The following PPHLN1 variants were observed in gnomAD, a reference collection of about 807,000 sequenced individuals.
The protein encoded by PPHLN1 is periphilin-1.
Under a neutral mutation model 51.3 loss-of-function variants are expected in PPHLN1, and 29 were observed. The ratio of observed to expected loss-of-function variants is 0.57; its 90% CI spans 0.42 to 0.77. The LOEUF (loss-of-function observed/expected upper bound fraction) is 0.77. PPHLN1 is among the 30% of genes least tolerant of loss of function. The pLI is 0.00. For synonymous variants in PPHLN1, 147 were observed against 147.8 expected, an observed-to-expected ratio of 0.99 and a Z score of 0.04; for missense variants, 436 against 438.4, an observed-to-expected ratio of 0.99 and a Z score of 0.05.
downstream of PPHLN1, chr12:42,448,477 C>T (rs1184716773): frequency 7.4e-5 from 11 of 149,314 alleles, no homozygotes; most frequent in Admixed American, 7.4e-4. Flanking sequence ...TGTAAATTAT[C>T]CGTTGTTTTT....
intron 1 of PPHLN1, among the ~76,000 whole-genome samples, chr12:42,329,154 T>A (rs1565711918): frequency 6.7e-6 from 1 of 149,900 alleles, no homozygotes; most frequent in Non-Finnish European, 1.5e-5. Flanking sequence ...CAGGCTGGAG[T>A]GCAGTGGCGC....
intron 9 of PPHLN1, among the ~76,000 whole-genome samples, chr12:42,417,332 G>A (rs1445910014): frequency 6.6e-6 from 1 of 152,062 alleles, no homozygotes; most frequent in Non-Finnish European, 1.5e-5. Flanking sequence ...TAGGAGGAAA[G>A]GAAAATAAAG....
At chr12:42,412,004 A>ACCTCCAATGGT (rs2079897016) in intron 9 of PPHLN1, among the ~76,000 whole-genome samples, 1 of 151,390 alleles carries the variant, frequency 6.6e-6, no homozygotes, top group Non-Finnish European at 1.5e-5. Context: ...CAGGAGTTCG[A>ACCTCCAATGGT]GACTACCCTG....
intron 9 of PPHLN1, chr12:42,433,117 T>C (rs2082184622): frequency 2.6e-6 from 2 of 777,920 alleles, no homozygotes; most frequent in Non-Finnish European, 4.8e-6. Flanking sequence ...AATGTGACTA[T>C]TTCATTGTAA....
intron 2 of PPHLN1, 45 bp from the exon 3 acceptor site, chr12:42,351,840 T>C (rs746570108): frequency 3.4e-6 from 5 of 1,489,598 alleles, no homozygotes; most frequent in Non-Finnish European, 4.5e-6. Flanking sequence ...CAAAACCAAA[T>C]AGAGAAATTA....
intron 4 of PPHLN1, among the ~76,000 whole-genome samples, chr12:42,356,108 T>A (rs1437993004): frequency 1.3e-5 from 2 of 152,202 alleles, no homozygotes; most frequent in African/African-American, 4.8e-5. Flanking sequence ...AGTGGTGGTA[T>A]CGAAAGTTGT....
chr12:42,346,991 T>C (rs1027711677), intron 2 of PPHLN1: 2 of 152,204 alleles, frequency 1.3e-5, no homozygotes, highest in Non-Finnish European at 2.9e-5. Context: ...GCTCAAGGGA[T>C]CCTCTCACCT....
rs567572315 is a variant in PPHLN1 at position 42,421,938 on chromosome 12, G to A, written c.910-19377G>A. ...GAAGATGGCACCTGTGAATAAGAAA[G>A]TTTAGAATAAAAATAGGCTAGAAGC... On this transcript the variant is annotated intron_variant, in intron 9 of 9. Transcript: ENST00000358314. 4.5e-3 allele frequency among the ~76,000 whole-genome samples: 688 copies of A among 152,086 alleles called. 1 individual carries two copies. Among genetic ancestry groups the A allele is most frequent in the African/African-American group, 0.016 (666 of 41,508 alleles).
At chr12:42,332,087 C>T (rs781508196) in intron 1 of PPHLN1, among the ~76,000 whole-genome samples, 41 of 152,150 alleles carry the variant, frequency 2.7e-4, no homozygotes, top group Admixed American at 3.3e-4. Flanking sequence ...GCCTGTGGTT[C>T]CAGCTACTAG....
At chr12:42,359,814 A>C (rs926070733) in intron 4 of PPHLN1, among the ~76,000 whole-genome samples, 1 of 152,200 alleles carries the variant, frequency 6.6e-6, no homozygotes, top group Non-Finnish European at 1.5e-5. Context: ...ATATTAAAAG[A>C]TTTGAAAAAT....
intron 9 of PPHLN1, among the ~76,000 whole-genome samples, chr12:42,409,537 A>G (rs1369249382): frequency 6.6e-6 from 1 of 152,106 alleles, no homozygotes; most frequent in African/African-American, 2.4e-5. Context: ...TTCATTTATT[A>G]TTTTAATCAT....
At chr12:42,424,919 T>C (rs1027076096) in intron 9 of PPHLN1, among the ~76,000 whole-genome samples, 2 of 152,086 alleles carry the variant, frequency 1.3e-5, no homozygotes, top group Non-Finnish European at 2.9e-5. Flanking sequence ...TAATAACACG[T>C]GTAGTAACAT....
chr12:42,369,429 T>C lies in PPHLN1; in HGVS notation c.300-5434T>C, dbSNP rs571026134. On this transcript the variant is annotated intron_variant, in intron 4 of 9. Transcript: ENST00000358314. ...GACATACAACTATCAGGCACTTGTATTGGCATGCCTGGCTCTTTCTTGCTG... is the reference window on the plus strand; with the variant it reads ...GACATACAACTATCAGGCACTTGTACTGGCATGCCTGGCTCTTTCTTGCTG... Among the ~76,000 whole-genome samples, 106 of 152,302 alleles carry C rather than the reference T, an allele frequency of 7.0e-4. 2 individuals carry two copies. In the South Asian group the frequency reaches 0.021, roughly 30 times the overall value.
chr12:42,426,554 G>A (rs1015446914), intron 9 of PPHLN1, among the ~76,000 whole-genome samples: 2 of 152,054 alleles, frequency 1.3e-5, no homozygotes, highest in African/African-American at 4.8e-5. Context: ...GAGGATTCTG[G>A]TACATAAAAT....
At chr12:42,341,823 G>C (rs1428267655) in intron 2 of PPHLN1, among the ~76,000 whole-genome samples, 1 of 151,970 alleles carries the variant, frequency 6.6e-6, no homozygotes, top group Non-Finnish European at 1.5e-5. Flanking sequence ...GGGTTTCACC[G>C]TGTTAGCCAG....
In PPHLN1 at chr12:42,366,545, T is replaced by C. The variant is rs190020878; in HGVS notation, c.300-8318T>C. ...TGGCCTTTCTTGTTTTTTTTTGTTT[T>C]TGTTTTTGTTTTTGTTTTTTTGAGA... On this transcript the variant is annotated intron_variant, in intron 4 of 9. Coordinates refer to ENST00000358314, the MANE Select transcript of PPHLN1 (RefSeq NM_201439.2). Among the ~76,000 whole-genome samples the C allele has an allele frequency of 3.7e-3, 563 of 151,480 alleles. 2 individuals carry two copies. The highest frequency in any genetic ancestry group is 0.024 in the Middle Eastern group (7 of 294).
At chr12:42,361,245 A>G (rs1169183566) in intron 4 of PPHLN1, 1 of 152,434 alleles carries the variant, frequency 6.6e-6, no homozygotes, top group Admixed American at 6.5e-5. Flanking sequence ...TCGTCAGACC[A>G]AGAAGAAAGT....
At chr12:42,351,073 G>A (rs1056064674) in intron 2 of PPHLN1, among the ~76,000 whole-genome samples, 2 of 151,630 alleles carry the variant, frequency 1.3e-5, no homozygotes, top group African/African-American at 4.9e-5. Context: ...TTGATCTTAT[G>A]TTATATCAGG....
At chr12:42,339,319 C>T (rs1214485026) in intron 2 of PPHLN1, among the ~76,000 whole-genome samples, 1 of 152,162 alleles carries the variant, frequency 6.6e-6, no homozygotes, top group Middle Eastern at 3.2e-3. Flanking sequence ...CTAGTTTATA[C>T]AAATCCTTCT....
Sources: allele counts gnomAD v4.1 joint callset (sites outside exome capture counted in the v4.1 genomes callset), GRCh38; gene constraint gnomAD v4.1.1; transcripts MANE v1.5; gene names NCBI Gene and HGNC (gene_info 2026-07-23, HGNC 2026-07-21).